GPR107: variants seen among roughly 807,000 people sequenced by gnomAD.
GPR107 encodes G protein-coupled receptor 107, also known as protein GPR107.
In GPR107, 31 loss-of-function variants were observed where a neutral mutation model predicts 75.5. The ratio of observed to expected loss-of-function variants is 0.41; its 90% CI spans 0.31 to 0.55. The LOEUF (loss-of-function observed/expected upper bound fraction) is 0.55, where lower values mean the gene tolerates loss of function less well. Among genes scored for constraint, GPR107 ranks in the 20% least tolerant of loss-of-function variants. GPR107 has a pLI of 0.26. For synonymous variants in GPR107, 267 were observed against 251.3 expected, an observed-to-expected ratio of 1.06 and a Z score of -0.59; for missense variants, 572 against 665.7, an observed-to-expected ratio of 0.86 and a Z score of 1.55.
rs1830428733 is a variant in GPR107 at position 130,079,042 on chromosome 9, TC to T, written c.387-586del. Among the ~76,000 whole-genome samples the T allele has an allele frequency of 2.0e-5, 3 of 152,182 alleles. No homozygotes were observed. In the South Asian group the frequency reaches 6.2e-4, roughly 31 times the overall value. ...GGCACGATCTTGGCTCATTGCATCC[TC>T]CACCTCCCAGGTTCAAGCGATTCTC... On this transcript the variant is annotated intron_variant, in intron 4 of 17. Transcript: ENST00000347136.
At chr9:130,089,486 A>G (rs1004056424) in intron 7 of GPR107, among the ~76,000 whole-genome samples, 4 of 152,082 alleles carry the variant, frequency 2.6e-5, no homozygotes, top group Admixed American at 1.3e-4. Flanking sequence ...CTTCTGCTTC[A>G]TTCATGGCGT....
intron 15 of GPR107, 126 bp downstream of exon 15, chr9:130,125,090 C>CTTTTTTTTTTTTTTTTTTTTTTT (rs11461385): frequency 6.7e-6 from 1 of 149,754 alleles, no homozygotes; most frequent in East Asian, 3.1e-4. Flanking sequence ...GTGTGGCTTG[C>CTTTTTTTTTTTTTTTTTTTTTTT]TTTTTTTTTT....
At chr9:130,131,601 GTCC>G (rs1462178172) in intron 17 of GPR107, among the ~76,000 whole-genome samples, 5 of 150,854 alleles carry the variant, frequency 3.3e-5, no homozygotes, top group Non-Finnish European at 7.4e-5. Context: ...AGGTCCCCCT[GTCC>G]TCCTGCTCCG....
In GPR107 at chr9:130,079,762, G is replaced by A. The variant is rs1394930867; in HGVS notation, c.519G>A (p.Lys173=). The A allele has an allele frequency of 1.9e-6, 3 of 1,609,192 alleles. No homozygotes were observed. The highest frequency in any genetic ancestry group is 2.5e-6 in the Non-Finnish European group (3 of 1,177,526). The change falls in exon 5 of 18, where the codon AAG becomes AAA. Residue 173 remains lysine, a synonymous_variant. Coordinates refer to ENST00000347136, the MANE Select transcript of GPR107 (RefSeq NM_020960.5). ...CTTCAGCAGGCAACCAGACCCAGAA[G>A]ACACAAGGTAAACCGTAAGGTGGAA... is the stretch of plus-strand genomic sequence containing the variant. ...NPASAGNQTQ[K]TQDGGKSKRS...
chr9:130,090,827 T>A (rs1454724424), intron 7 of GPR107, 49 bp from the exon 8 acceptor site: 1 of 676,546 alleles, frequency 1.5e-6, no homozygotes, highest in Non-Finnish European at 2.6e-6. Context: ...AAAAAATATA[T>A]ATCGCTGAGG....
chr9:130,113,077 G>A (rs550396157), intron 14 of GPR107, among the ~76,000 whole-genome samples: 1 of 152,212 alleles, frequency 6.6e-6, no homozygotes, highest in African/African-American at 2.4e-5. Flanking sequence ...AAGAATGACT[G>A]TTATGGTGAC....
At chr9:130,054,983 T>A (rs1397778627) in intron 1 of GPR107, among the ~76,000 whole-genome samples, 4 of 151,962 alleles carry the variant, frequency 2.6e-5, no homozygotes, top group African/African-American at 9.7e-5. Context: ...CTGGGGAGGC[T>A]GAGGCTGGAG....
At chr9:130,107,390 T>C in intron 13 of GPR107, 106 bp from the exon 14 acceptor site, 1 of 755,806 alleles carries the variant, frequency 1.3e-6, no homozygotes, top group Non-Finnish European at 2.4e-6. Context: ...TAGTCCAACC[T>C]TTCAGCATGT....
chr9:130,089,129 C>A (rs1458794252), intron 7 of GPR107, among the ~76,000 whole-genome samples: 1 of 151,820 alleles, frequency 6.6e-6, no homozygotes, highest in Non-Finnish European at 1.5e-5. Context: ...GAGATCACGC[C>A]ACTGCACTCC....
At position 130,121,898 on chromosome 9, in the gene GPR107, C is replaced by CTT. The variant is rs33915679; in HGVS notation, c.1307-3008_1307-3007dup. On this transcript the variant is annotated intron_variant, in intron 14 of 17. Transcript: ENST00000347136. ...GACTTATTTATTTTTATTTTATTTT[C>CTT]TTTTTTTTTTGAGGTGGAGTCTCGC... Among the ~76,000 whole-genome samples the CTT allele has an allele frequency of 1.7e-4, 26 of 151,202 alleles. 1 individual carries two copies. Among genetic ancestry groups the CTT allele is most frequent in the Non-Finnish European group, 2.5e-4 (17 of 67,744 alleles).
chr9:130,074,607 T>C (rs1173126093), intron 1 of GPR107, among the ~76,000 whole-genome samples: 1 of 152,110 alleles, frequency 6.6e-6, no homozygotes, highest in African/African-American at 2.4e-5. Flanking sequence ...CGTCTGCCCA[T>C]GTGATTCAGT....
chr9:130,120,348 C>T lies in GPR107; in HGVS notation c.1307-4567C>T, dbSNP rs903441303. On this transcript the variant is annotated intron_variant, in intron 14 of 17. Transcript: ENST00000347136. Reference sequence around the variant, plus strand: ...TCTTGCCTGAGCCTGGAGGATGTGACGTGGCGACGCATGATGCCAGGGAGG... The same window carrying T: ...TCTTGCCTGAGCCTGGAGGATGTGATGTGGCGACGCATGATGCCAGGGAGG... Among the ~76,000 whole-genome samples, 9 of 152,266 alleles carry T rather than the reference C, an allele frequency of 5.9e-5. No individual in the cohort carries two copies. The East Asian group carries it at 7.7e-4, about 13-fold the overall frequency.
chr9:130,109,289 G>A (rs555015784), intron 14 of GPR107, among the ~76,000 whole-genome samples: 2 of 152,078 alleles, frequency 1.3e-5, no homozygotes, highest in Non-Finnish European at 2.9e-5. Flanking sequence ...TCCTTCCTCA[G>A]CCTCCCAAGT....
Position 130,083,594 on chromosome 9 carries a change from G to T in GPR107, c.556G>T (p.Asp186Tyr), listed in dbSNP as rs1830543002. 2 of 1,525,472 alleles carry T rather than the reference G, an allele frequency of 1.3e-6. No homozygotes were observed. The highest frequency in any genetic ancestry group is 1.7e-6 in the Non-Finnish European group (2 of 1,145,180). The allele number at this position is 1,525,472 out of a possible 1,614,324, so 94.5% of individuals were successfully genotyped here. Residue 186 changes from aspartate to tyrosine, a missense_variant, in exon 6 of 18, where the codon GAT becomes TAT. By Grantham distance (160) the Asp-to-Tyr change is radical. Coordinates refer to ENST00000347136, the MANE Select transcript of GPR107 (RefSeq NM_020960.5). ...TGGAAAGTCTAAAAGAAGTACAGTG[G>T]ATTCAAAGGTAAGAACTAACCACCC... ...DGGKSKRSTV[D>Y]SKAMGEKSFS...
chr9:130,096,468 C>T (rs200272177), intron 9 of GPR107, among the ~76,000 whole-genome samples: 1 of 122,336 alleles, frequency 8.2e-6, no homozygotes, highest in Non-Finnish European at 1.6e-5. Context: ...CATTTTTGGA[C>T]TTTTTTTTTT....
intron 1 of GPR107, among the ~76,000 whole-genome samples, chr9:130,056,051 T>A (rs2132525446): frequency 8.1e-6 from 1 of 123,478 alleles, no homozygotes; most frequent in South Asian, 2.4e-4. Flanking sequence ...TTATCCTGAT[T>A]AAAATGGTTC....
At chr9:130,113,393 G>T (rs568352635) in intron 14 of GPR107, among the ~76,000 whole-genome samples, 2 of 151,684 alleles carry the variant, frequency 1.3e-5, no homozygotes, top group Admixed American at 6.6e-5. Flanking sequence ...CACCATGCCC[G>T]GCTAATTCTT....
At chr9:130,095,924 G>C (rs578130908) in intron 9 of GPR107, among the ~76,000 whole-genome samples, 4 of 152,276 alleles carry the variant, frequency 2.6e-5, no homozygotes, top group South Asian at 4.1e-4. Context: ...AGCTGGAAAC[G>C]ACTAAGAGAT....
At chr9:130,063,967 G>A (rs2132539274) in intron 1 of GPR107, among the ~76,000 whole-genome samples, 1 of 151,630 alleles carries the variant, frequency 6.6e-6, no homozygotes, top group African/African-American at 2.4e-5. Context: ...ACCATGCCCA[G>A]CTAATTTTTG....
Sources: allele counts gnomAD v4.1 joint callset (sites outside exome capture counted in the v4.1 genomes callset), GRCh38; gene constraint gnomAD v4.1.1; transcripts MANE v1.5; gene names NCBI Gene and HGNC (gene_info 2026-07-23, HGNC 2026-07-21).